EREG: variants seen among roughly 807,000 people sequenced by gnomAD.
The protein encoded by EREG is epiregulin.
In EREG, 23 loss-of-function variants were observed where a neutral mutation model predicts 22.4. The ratio of observed to expected loss-of-function variants is 1.03; its 90% confidence interval spans 0.74 to 1.46. The LOEUF is 1.46. Among genes scored for constraint, EREG ranks in the 40% most tolerant of loss-of-function variants. The probability of loss-of-function intolerance (pLI) is 0.00; values close to 1 mark genes in which losing one functional copy is unlikely to be tolerated. For missense variants in EREG, 226 were observed against 205.9 expected, an observed-to-expected ratio of 1.10 and a Z score of -0.60; for synonymous variants, 100 against 75.4, an observed-to-expected ratio of 1.33 and a Z score of -1.69.
In EREG at chr4:74,379,447, G is replaced by A; in HGVS notation, c.68-1G>A. The A allele has an allele frequency of 1.3e-6, 2 of 1,589,620 alleles. No homozygotes were observed. The highest frequency in any genetic ancestry group is 1.7e-6 in the Non-Finnish European group (2 of 1,158,452). ...TATATTCGATTTTTCTTCATAAATA[G>A]GTTTCCATCTTCTACAGGCAGTCCT... On this transcript the variant is annotated splice_acceptor_variant, in intron 1 of 4. Coordinates refer to ENST00000244869, the MANE Select transcript of EREG (RefSeq NM_001432.3). LOFTEE classifies it high-confidence loss of function.
At chr4:74,370,979 G>C (rs990138948) in intron 1 of EREG, among the ~76,000 whole-genome samples, 1 of 152,088 alleles carries the variant, frequency 6.6e-6, no homozygotes, top group African/African-American at 2.4e-5. Context: ...TTTGTTGCAG[G>C]GAGGCTGTCC....
At position 74,384,756 on chromosome 4, in the gene EREG, A is replaced by G. The variant is rs1207285117; in HGVS notation, c.458A>G (p.Lys153Arg). The change falls in exon 5 of 5, where the codon AAG (lysine) becomes AGG (arginine). Residue 153 changes from lysine (K) to arginine (R), a missense_variant. Physicochemically the swap from Lys to Arg is conservative, Grantham distance 26 (BLOSUM62 2). Transcript: ENST00000244869. ...AGAAATCGAAAAAGTAAAGAACCAA[A>G]GAAGGAATATGAGAGAGTTACCTCA... ...WYRNRKSKEP[K>R]KEYERVTSGD... The G allele has an allele frequency of 6.2e-7, 1 of 1,613,168 alleles. No individual in the cohort carries two copies. Among genetic ancestry groups the G allele is most frequent in the African/African-American group, 1.3e-5 (1 of 75,024 alleles).
At position 74,385,805 on chromosome 4, in the gene EREG, A is replaced by G; in HGVS notation, c.*997A>G. ...GTTGTCTTAAGATGGAAATACAGTT[A>G]TTTCATCTTTTATTCAAGGAAGTTT... On this transcript the variant is annotated 3_prime_UTR_variant, in exon 5 of 5. Transcript: ENST00000244869. The G allele has an allele frequency of 2.5e-6, 1 of 395,718 alleles. No homozygotes were observed. Among genetic ancestry groups the G allele is most frequent in the Non-Finnish European group, 4.5e-6 (1 of 224,148 alleles). 24.5% of individuals were successfully genotyped at this position (395,718 alleles called of 1,614,324 possible). A position where few individuals can be genotyped will look rare whatever the true frequency, so the allele number is the denominator to read the frequency against.
chr4:74,370,739 A>G (rs893062876), intron 1 of EREG, among the ~76,000 whole-genome samples: 2 of 152,318 alleles, frequency 1.3e-5, no homozygotes, highest in South Asian at 4.2e-4. Context: ...TGCCAGTGGC[A>G]GAAAGAGAAG....
At chr4:74,366,755 T>A (rs529248092) in intron 1 of EREG, among the ~76,000 whole-genome samples, 1 of 152,280 alleles carries the variant, frequency 6.6e-6, no homozygotes, top group South Asian at 2.1e-4. Context: ...CTAGTGTGTG[T>A]GTTGTGTGTG....
intron 1 of EREG, among the ~76,000 whole-genome samples, chr4:74,371,567 G>C (rs1388656754): frequency 6.6e-6 from 1 of 151,840 alleles, no homozygotes; most frequent in Admixed American, 6.6e-5. Flanking sequence ...GTTTCTCAAA[G>C]TTCTGTTATT....
At position 74,388,540 on chromosome 4, in the gene EREG, T is replaced by C. The variant is rs1752610054; in HGVS notation, c.*3732T>C. 1 of 152,676 alleles carries C rather than the reference T, an allele frequency of 6.5e-6. No homozygotes were observed. The highest frequency in any genetic ancestry group is 1.5e-5 in the Non-Finnish European group (1 of 68,030). The allele number at this position is 152,676 out of a possible 1,614,324, so 9.5% of individuals were successfully genotyped here. A position where few individuals can be genotyped will look rare whatever the true frequency, so the allele number is the denominator to read the frequency against. ...ACATAAAGTTGTATTGCATGCAATT[T>C]GAAGTAACTTATTTGACTATGAATG... On this transcript the variant is annotated 3_prime_UTR_variant, in exon 5 of 5. Coordinates refer to ENST00000244869, the MANE Select transcript of EREG (RefSeq NM_001432.3).
chr4:74,369,266 C>A (rs892018876), intron 1 of EREG, among the ~76,000 whole-genome samples: 3 of 151,852 alleles, frequency 2.0e-5, no homozygotes, highest in Non-Finnish European at 1.5e-5. Context: ...GTACATTGTA[C>A]CTAATGTGTA....
chr4:74,375,949 C>T (rs1004856270), intron 1 of EREG, among the ~76,000 whole-genome samples: 1 of 152,184 alleles, frequency 6.6e-6, no homozygotes, highest in African/African-American at 2.4e-5. Flanking sequence ...ATTAATGCAG[C>T]AAGTCTCACA....
chr4:74,380,575 G>A (rs1000632822), intron 2 of EREG, among the ~76,000 whole-genome samples: 2 of 152,128 alleles, frequency 1.3e-5, no homozygotes, highest in African/African-American at 4.8e-5. Context: ...AAAATCCACT[G>A]TAGAATTAAG....
At chr4:74,384,182 T>C (rs1229959533) in intron 4 of EREG, among the ~76,000 whole-genome samples, 1 of 152,214 alleles carries the variant, frequency 6.6e-6, no homozygotes, top group Non-Finnish European at 1.5e-5. Flanking sequence ...TGTATTTCAC[T>C]TTCTTCATCT....
At chr4:74,375,487 T>A (rs1367565889) in intron 1 of EREG, among the ~76,000 whole-genome samples, 1 of 10,324 alleles carries the variant, frequency 9.7e-5, no homozygotes, top group Non-Finnish European at 2.8e-4. Context: ...CCTGGCTAAT[T>A]TTTTTTTTTT....
chr4:74,380,799 T>C (rs932826547), intron 2 of EREG, among the ~76,000 whole-genome samples: 9 of 152,232 alleles, frequency 5.9e-5, no homozygotes, highest in African/African-American at 2.2e-4. Context: ...CTTCTTTTGT[T>C]TAGTCTGTTG....
At chr4:74,383,621 G>A (rs1560600285) in intron 4 of EREG, among the ~76,000 whole-genome samples, 1 of 152,122 alleles carries the variant, frequency 6.6e-6, no homozygotes, top group African/African-American at 2.4e-5. Context: ...CCTTTAAAAT[G>A]TCTCCATGAA....
At chr4:74,371,531 C>A (rs1288149172) in intron 1 of EREG, among the ~76,000 whole-genome samples, 1 of 152,090 alleles carries the variant, frequency 6.6e-6, no homozygotes, top group African/African-American at 2.4e-5. Context: ...CTTTTCTTTG[C>A]CACTTCTGTC....
At chr4:74,371,065 C>A (rs1041604194) in intron 1 of EREG, among the ~76,000 whole-genome samples, 1 of 152,100 alleles carries the variant, frequency 6.6e-6, no homozygotes, top group Non-Finnish European at 1.5e-5. Flanking sequence ...GTCGTGACAA[C>A]CATCATAGTC....
rs971832919 is a variant in EREG, at chr4:74,388,367, G to C, written c.*3559G>C. 1 of 152,356 alleles carries C rather than the reference G, an allele frequency of 6.6e-6. No individual in the cohort carries two copies. Among genetic ancestry groups the C allele is most frequent in the Non-Finnish European group, 1.5e-5 (1 of 68,000 alleles). The allele number at this position is 152,356 out of a possible 1,614,324, so 9.4% of individuals were successfully genotyped here. On this transcript the variant is annotated 3_prime_UTR_variant, in exon 5 of 5. Transcript: ENST00000244869. ...GTGTATATTTTAATGTTTTTAAAAA[G>C]AGTAATTTCATTTAAATATCTGTTA...
At chr4:74,372,714 T>G (rs1449094792) in intron 1 of EREG, among the ~76,000 whole-genome samples, 1 of 151,694 alleles carries the variant, frequency 6.6e-6, no homozygotes, top group African/African-American at 2.4e-5. Context: ...ACTCTATAAA[T>G]GAAGCTTTGG....
At position 74,365,240 on chromosome 4, in the gene EREG, G is replaced by A. The variant is rs1250388154; in HGVS notation, c.-69G>A. ...TCCAGCCACTGCCGCGAGCCCGTCT[G>A]CTCCCGCCCTGCCCGTGCACTCTCC... is the stretch of plus-strand genomic sequence containing the variant. On this transcript the variant is annotated 5_prime_UTR_variant, in exon 1 of 5. Coordinates refer to ENST00000244869, the MANE Select transcript of EREG (RefSeq NM_001432.3). 7.6e-7 allele frequency: 1 copy of A among 1,315,008 alleles called. No individual in the cohort carries two copies. The highest frequency in any genetic ancestry group is 1.1e-6 in the Non-Finnish European group (1 of 930,376). The allele number at this position is 1,315,008 out of a possible 1,614,324, so 81.5% of individuals were successfully genotyped here.
Sources: gnomAD v4.1 joint callset for allele counts (sites outside exome capture counted in the v4.1 genomes callset) on GRCh38, gnomAD v4.1.1 for gene constraint, MANE v1.5 for transcripts, NCBI Gene and HGNC (gene_info 2026-07-23, HGNC 2026-07-21) for gene names.